The following JAK1 variants were observed in gnomAD, a reference collection of about 807,000 sequenced individuals.
JAK1 encodes the protein Janus kinase 1, also known as tyrosine-protein kinase JAK1.
Under a neutral mutation model 136.6 loss-of-function variants are expected in JAK1, and 16 were observed. The observed-to-expected ratio is 0.12, with a 90% CI of 0.08 to 0.18. The LOEUF (loss-of-function observed/expected upper bound fraction) is 0.18, where lower values mean the gene tolerates loss of function less well. Among genes scored for constraint, JAK1 ranks in the 10% least tolerant of loss-of-function variants. JAK1 has a pLI of 1.00. For missense variants in JAK1, 859 were observed against 1,450.1 expected (o/e 0.59, Z 6.62); for synonymous variants, 492 against 519.5 (o/e 0.95, Z 0.72).
chr1:64,890,689 G>A (rs573430897), intron 1 of JAK1, among the ~76,000 whole-genome samples: 1 of 152,314 alleles, frequency 6.6e-6, no homozygotes, highest in African/African-American at 2.4e-5. Flanking sequence ...CTATAGATGT[G>A]TAAGTGTACA....
intron 2 of JAK1, among the ~76,000 whole-genome samples, chr1:64,885,463 G>GA (rs2101291828): frequency 6.6e-6 from 1 of 152,248 alleles, no homozygotes; most frequent in South Asian, 2.1e-4. Context: ...TTTGAAATAT[G>GA]AAAAAATCGG....
In JAK1 at chr1:64,986,209, G is replaced by A. The variant is rs146280275; in HGVS notation, c.-78+58271C>T. Reference sequence around the variant, plus strand: ...CAACCTCTGCCTCCCGGGTTCAGGCGATTCTCCTGCCTCAGCCTCCCAAAT... The same window carrying A: ...CAACCTCTGCCTCCCGGGTTCAGGCAATTCTCCTGCCTCAGCCTCCCAAAT... On this transcript the variant is annotated intron_variant, in intron 2 of 25. Transcript: ENST00000671954. 1,791 of 370,806 alleles carry A rather than the reference G, an allele frequency of 4.8e-3. 30 individuals carry two copies. Among genetic ancestry groups the A allele is most frequent in the African/African-American group, 0.035 (1,616 of 46,838 alleles). 23.0% of individuals were successfully genotyped at this position (370,806 alleles called of 1,614,324 possible).
chr1:64,945,772 A>C (rs537259794), intron 1 of JAK1, among the ~76,000 whole-genome samples: 1 of 151,000 alleles, frequency 6.6e-6, no homozygotes, highest in Non-Finnish European at 1.5e-5. Context: ...TCTGTCGCCC[A>C]GGCTGGAGTG....
Position 64,841,321 on chromosome 1 carries a change from T to C in JAK1, c.2573A>G (p.Glu858Gly). The change falls in exon 19 of 25, where the codon GAA (glutamate) becomes GGA (glycine). Residue 858 changes from glutamate to glycine, a missense_variant. Glu to Gly is a moderately conservative substitution (Grantham distance 98). Transcript: ENST00000342505. Reference protein sequence around the residue: ...LEEQNPDIVSEKKPATEVDPT... With the variant: ...LEEQNPDIVSGKKPATEVDPT... ...GTCCACTTCAGTTGCTGGTTTTTTTTCTGAAACAATATCTGGATCTAACAG... is the reference window on the plus strand; with the variant it reads ...GTCCACTTCAGTTGCTGGTTTTTTTCCTGAAACAATATCTGGATCTAACAG... The C allele has an allele frequency of 6.2e-7, 1 of 1,614,068 alleles. No homozygotes were observed. The highest frequency in any genetic ancestry group is 8.5e-7 in the Non-Finnish European group (1 of 1,179,936).
At chr1:65,036,124 G>C (rs376483812) in intron 2 of JAK1, among the ~76,000 whole-genome samples, 1 of 152,066 alleles carries the variant, frequency 6.6e-6, no homozygotes, top group East Asian at 1.9e-4. Context: ...GGGATGGATA[G>C]TGTGATGGTC....
intron 1 of JAK1, among the ~76,000 whole-genome samples, chr1:64,947,784 A>C (rs1646014484): frequency 1.3e-5 from 2 of 152,058 alleles, no homozygotes; most frequent in African/African-American, 2.4e-5. Flanking sequence ...ACACAAGTCC[A>C]AAATTTAGGT....
At position 64,965,339 on chromosome 1, in the gene JAK1, C is replaced by A. The variant is rs78099732; in HGVS notation, c.-78+994G>T. Among the ~76,000 whole-genome samples the A allele has an allele frequency of 1.6e-4, 24 of 152,242 alleles. No homozygotes were observed. The East Asian group carries it at 4.4e-3, about 28-fold the overall frequency. On this transcript the variant is annotated intron_variant, in intron 1 of 24. Transcript: ENST00000342505. ...AGGGGCAGAAGGCAGCTCACAGCCA[C>A]GTAGTAAGAAGAGTGGCAGGAAGGA...
intron 2 of JAK1, among the ~76,000 whole-genome samples, chr1:65,022,593 A>C (rs1646946139): frequency 6.6e-6 from 1 of 152,172 alleles, no homozygotes; most frequent in Non-Finnish European, 1.5e-5. Flanking sequence ...CAAAGTGAAA[A>C]TTTAGTTTGT....
intron 17 of JAK1, among the ~76,000 whole-genome samples, chr1:64,841,927 T>C (rs1465095746): frequency 1.3e-5 from 2 of 152,214 alleles, no homozygotes; most frequent in African/African-American, 2.4e-5. Context: ...ATGCATTAAC[T>C]TCAATGACTG....
At chr1:64,970,133 T>TAAA (rs1557735828), upstream of JAK1, among the ~76,000 whole-genome samples, 1 of 542 alleles carries the variant, frequency 1.8e-3, no homozygotes, top group Non-Finnish European at 5.2e-3. Flanking sequence ...AGACCCTGTC[T>TAAA]CAAAAAAAAA....
intron 2 of JAK1, chr1:64,974,633 G>C (rs1325391789): frequency 6.6e-6 from 1 of 152,244 alleles, no homozygotes; most frequent in African/African-American, 2.4e-5. Context: ...GAGATGTATT[G>C]AGGAAAATGC....
chr1:65,014,703 G>C (rs940371787), intron 2 of JAK1, among the ~76,000 whole-genome samples: 2 of 148,772 alleles, frequency 1.3e-5, no homozygotes, highest in African/African-American at 5.0e-5. Context: ...TTTTTTTTTG[G>C]ATATGGAGTC....
chr1:64,905,688 A>G (rs1186174749), intron 1 of JAK1, among the ~76,000 whole-genome samples: 1 of 152,220 alleles, frequency 6.6e-6, no homozygotes, highest in Non-Finnish European at 1.5e-5. Flanking sequence ...GACTTTCAGA[A>G]GAAAAATCAA....
intron 1 of JAK1, among the ~76,000 whole-genome samples, chr1:64,941,161 A>AAAC (rs1286243513): frequency 6.6e-6 from 1 of 152,184 alleles, no homozygotes; most frequent in African/African-American, 2.4e-5. Flanking sequence ...TCCAACTCAA[A>AAAC]AATAATAATA....
At chr1:65,018,047 G>A (rs1305698927) in intron 2 of JAK1, among the ~76,000 whole-genome samples, 1 of 152,082 alleles carries the variant, frequency 6.6e-6, no homozygotes, top group Non-Finnish European at 1.5e-5. Flanking sequence ...CTGATCTCGG[G>A]TGATCCTCCC....
Position 64,839,591 on chromosome 1 carries a change from T to C in JAK1, c.2842+12A>G, listed in dbSNP as rs1379455330. 11 of 1,610,930 alleles carry C rather than the reference T, an allele frequency of 6.8e-6. No individual in the cohort carries two copies. Among genetic ancestry groups the C allele is most frequent in the Non-Finnish European group, 9.3e-6 (11 of 1,178,030 alleles). On this transcript the variant is annotated intron_variant, in intron 20 of 24. Coordinates refer to ENST00000342505, the MANE Select transcript of JAK1 (RefSeq NM_002227.4). ...AAATCTTTAAACCGGACCCCAGCCT[T>C]GCATAACATACCGTCTTCTGTGCAG...
chr1:64,976,144 C>T (rs1362945659), intron 2 of JAK1, among the ~76,000 whole-genome samples: 1 of 152,146 alleles, frequency 6.6e-6, no homozygotes, highest in Non-Finnish European at 1.5e-5. Flanking sequence ...TTATTGTGGA[C>T]ACAGTGCCAT....
intron 2 of JAK1, among the ~76,000 whole-genome samples, chr1:65,043,476 G>GA (rs988128030): frequency 4.0e-5 from 6 of 151,866 alleles, no homozygotes; most frequent in African/African-American, 1.2e-4. Context: ...ATTCTACATT[G>GA]AAAAAAAGCC....
intron 1 of JAK1, among the ~76,000 whole-genome samples, chr1:65,049,690 AG>A (rs1423693734): frequency 6.6e-6 from 1 of 152,086 alleles, no homozygotes; most frequent in African/African-American, 2.4e-5. Flanking sequence ...CTAGCAAAAA[AG>A]CTTAAGTTCC....
Sources: gnomAD v4.1 joint callset for allele counts (sites outside exome capture counted in the v4.1 genomes callset) on GRCh38, gnomAD v4.1.1 for gene constraint, MANE v1.5 for transcripts, NCBI Gene and HGNC (gene_info 2026-07-23, HGNC 2026-07-21) for gene names.